The following ANKS1B variants were observed in gnomAD, a reference collection of about 807,000 sequenced individuals.
ANKS1B encodes ankyrin repeat and sterile alpha motif domain containing 1B.
ANKS1B carries 36 observed loss-of-function variants against 148.3 expected under a neutral mutation model. That is an observed-to-expected ratio of 0.24 (90% CI 0.19 to 0.32). The LOEUF is 0.32. ANKS1B is among the 10% of genes least tolerant of loss of function. The probability of loss-of-function intolerance (pLI) is 1.00; values close to 1 mark genes in which losing one functional copy is unlikely to be tolerated. For synonymous variants in ANKS1B, 542 were observed against 560.8 expected (o/e 0.97, Z 0.47); for missense variants, 1,157 against 1,542.6 (o/e 0.75, Z 4.19).
chr12:98,747,658 T>C (rs1369095757), intron 26 of ANKS1B, among the ~76,000 whole-genome samples: 3 of 152,236 alleles, frequency 2.0e-5, no homozygotes, highest in East Asian at 1.9e-4. Flanking sequence ...TGCACTCCCA[T>C]GTTTATTGCA....
chr12:99,841,990 ACT>A (rs2085822595), intron 1 of ANKS1B, among the ~76,000 whole-genome samples: 1 of 151,156 alleles, frequency 6.6e-6, no homozygotes, highest in Admixed American at 6.6e-5. Context: ...TTAATTAACT[ACT>A]CTCTGTTCTT....
intron 14 of ANKS1B, among the ~76,000 whole-genome samples, chr12:99,173,060 C>T (rs576360246): frequency 2.6e-5 from 4 of 152,218 alleles, no homozygotes; most frequent in Admixed American, 6.5e-5. Context: ...TTTGAAAGAA[C>T]TCATCAGGAA....
intron 9 of ANKS1B, among the ~76,000 whole-genome samples, chr12:99,590,258 C>CCACACACACACA (rs374132496): frequency 1.5e-3 from 197 of 132,864 alleles, no homozygotes; most frequent in African/African-American, 4.8e-3. Context: ...CCACACCCAC[C>CCACACACACACA]CACACACACA....
At chr12:99,193,872 G>T (rs575282291) in intron 14 of ANKS1B, among the ~76,000 whole-genome samples, 2 of 136,188 alleles carry the variant, frequency 1.5e-5, no homozygotes, top group East Asian at 4.6e-4. Flanking sequence ...TGCGATCTTG[G>T]TTCACTACAA....
At chr12:99,612,326 G>A (rs2097909763) in intron 9 of ANKS1B, among the ~76,000 whole-genome samples, 1 of 152,044 alleles carries the variant, frequency 6.6e-6, no homozygotes, top group Non-Finnish European at 1.5e-5. Flanking sequence ...ACAAAATAAT[G>A]GCTAACACAT....
intron 8 of ANKS1B, among the ~76,000 whole-genome samples, chr12:99,662,958 C>T (rs555697166): frequency 1.3e-5 from 2 of 152,206 alleles, no homozygotes; most frequent in African/African-American, 4.8e-5. Flanking sequence ...AGCAATTTCA[C>T]ACTAGGATAC....
intron 10 of ANKS1B, among the ~76,000 whole-genome samples, chr12:99,483,875 T>A (rs746651857): frequency 1.1e-4 from 17 of 152,052 alleles, no homozygotes; most frequent in Admixed American, 1.3e-4. Flanking sequence ...TTGAGCTTAT[T>A]TGAATCTTCT....
intron 14 of ANKS1B, among the ~76,000 whole-genome samples, chr12:99,172,823 A>C (rs2077938961): frequency 3.3e-5 from 5 of 152,212 alleles, no homozygotes; most frequent in African/African-American, 1.2e-4. Flanking sequence ...AAGTGCTTAG[A>C]ACAGTACTTG....
chr12:99,257,720 TTTATTA>T (rs1261217023), intron 12 of ANKS1B, among the ~76,000 whole-genome samples: 1 of 152,184 alleles, frequency 6.6e-6, no homozygotes, highest in Admixed American at 6.5e-5. Context: ...TTAGAAATAA[TTTATTA>T]TTAACTTTAT....
At chr12:98,761,083 G>A (rs1045996815) in intron 25 of ANKS1B, among the ~76,000 whole-genome samples, 1 of 152,142 alleles carries the variant, frequency 6.6e-6, no homozygotes, top group Non-Finnish European at 1.5e-5. Context: ...AGAAACTAAG[G>A]ATCAGCGAAA....
chr12:99,805,978 C>A (rs1008184055), intron 4 of ANKS1B, among the ~76,000 whole-genome samples: 1 of 152,108 alleles, frequency 6.6e-6, no homozygotes, highest in African/African-American at 2.4e-5. Context: ...GTTCTCAATC[C>A]CAAAGGACAG....
At chr12:99,559,613 T>A (rs2097312048) in intron 9 of ANKS1B, among the ~76,000 whole-genome samples, 2 of 152,198 alleles carry the variant, frequency 1.3e-5, no homozygotes, top group African/African-American at 4.8e-5. Flanking sequence ...TATAGCTATA[T>A]CCTTGTATAA....
intron 1 of ANKS1B, among the ~76,000 whole-genome samples, chr12:99,912,745 C>T (rs1023924960): frequency 3.9e-5 from 6 of 152,038 alleles, no homozygotes; most frequent in East Asian, 1.9e-4. Flanking sequence ...TATTTGAATA[C>T]ATTATTTATA....
At chr12:99,353,155 G>A (rs1184916283) in intron 12 of ANKS1B, among the ~76,000 whole-genome samples, 1 of 151,896 alleles carries the variant, frequency 6.6e-6, no homozygotes, top group South Asian at 2.1e-4. Context: ...CTCATTAGAG[G>A]CACCACAGTA....
At chr12:99,227,911 T>C (rs2086199264) in intron 14 of ANKS1B, among the ~76,000 whole-genome samples, 1 of 151,692 alleles carries the variant, frequency 6.6e-6, no homozygotes, top group South Asian at 2.1e-4. Context: ...ATTTGTTATA[T>C]TAATATATTT....
At chr12:99,118,369 A>G (rs2061910175) in intron 15 of ANKS1B, among the ~76,000 whole-genome samples, 1 of 152,212 alleles carries the variant, frequency 6.6e-6, no homozygotes, top group African/African-American at 2.4e-5. Context: ...TTTCTTCTGT[A>G]CATTGGCATA....
At chr12:98,862,460 GTTATTA>G (rs922949160) in intron 17 of ANKS1B, among the ~76,000 whole-genome samples, 9 of 151,804 alleles carry the variant, frequency 5.9e-5, no homozygotes, top group Admixed American at 3.9e-4. Flanking sequence ...GTAGCTAACA[GTTATTA>G]TTATTATTAC....
At chr12:99,730,858 G>T (rs1047057771) in intron 8 of ANKS1B, among the ~76,000 whole-genome samples, 1 of 152,140 alleles carries the variant, frequency 6.6e-6, no homozygotes, top group African/African-American at 2.4e-5. Flanking sequence ...TTATTTAAAT[G>T]TCCGTAAGAC....
At chr12:99,683,028 TGA>T (rs990619748) in intron 8 of ANKS1B, among the ~76,000 whole-genome samples, 1 of 151,890 alleles carries the variant, frequency 6.6e-6, no homozygotes, top group Non-Finnish European at 1.5e-5. Context: ...GCAGCAGACA[TGA>T]GAGAAAGAGA....
Sources: gnomAD v4.1 joint callset for allele counts (sites outside exome capture counted in the v4.1 genomes callset) on GRCh38, gnomAD v4.1.1 for gene constraint, MANE v1.5 for transcripts, NCBI Gene and HGNC (gene_info 2026-07-23, HGNC 2026-07-21) for gene names.